The following ALK variants were observed in gnomAD, a reference collection of about 807,000 sequenced individuals.
The protein encoded by ALK is ALK tyrosine kinase receptor.
In ALK, 74 loss-of-function variants were observed where a neutral mutation model predicts 163.1. The ratio of observed to expected loss-of-function variants is 0.45; its 90% CI spans 0.38 to 0.55. The LOEUF is 0.55. Among genes scored for constraint, ALK ranks in the 20% least tolerant of loss-of-function variants. The pLI is 0.00. For missense variants in ALK, 2,063 were observed against 2,105.3 expected, an observed-to-expected ratio of 0.98 and a Z score of 0.39; for synonymous variants, 960 against 843.2, an observed-to-expected ratio of 1.14 and a Z score of -2.40.
chr2:29,699,036 C>A (rs1233538722), intron 2 of ALK, among the ~76,000 whole-genome samples: 2 of 152,220 alleles, frequency 1.3e-5, no homozygotes, highest in Admixed American at 6.5e-5. Flanking sequence ...CCTTGGGCCT[C>A]TTCCGAGGTT....
intron 12 of ALK, among the ~76,000 whole-genome samples, chr2:29,248,912 G>A (rs953701413): frequency 1.2e-4 from 18 of 152,258 alleles, no homozygotes; most frequent in Admixed American, 2.6e-4. Flanking sequence ...AAACTACCGC[G>A]TATGGGGTCG....
intron 1 of ALK, among the ~76,000 whole-genome samples, chr2:29,831,433 TTC>T (rs1285542583): frequency 2.6e-5 from 4 of 151,956 alleles, no homozygotes; most frequent in African/African-American, 9.7e-5. Flanking sequence ...GCTTTAGAGC[TTC>T]TCTCTTTATG....
intron 1 of ALK, among the ~76,000 whole-genome samples, chr2:29,839,141 T>C (rs116226196): frequency 6.6e-6 from 1 of 152,128 alleles, no homozygotes; most frequent in Non-Finnish European, 1.5e-5. Flanking sequence ...TTGGTCCCAT[T>C]GAAAACCATT....
At chr2:29,887,979 G>A (rs1029293906) in intron 1 of ALK, among the ~76,000 whole-genome samples, 1 of 152,172 alleles carries the variant, frequency 6.6e-6, no homozygotes, top group Non-Finnish European at 1.5e-5. Flanking sequence ...TGTCAGGTCA[G>A]GTAATCATAA....
At chr2:29,529,052 G>C (rs2148155792) in intron 4 of ALK, among the ~76,000 whole-genome samples, 1 of 152,302 alleles carries the variant, frequency 6.6e-6, no homozygotes, top group South Asian at 2.1e-4. Context: ...CAACCAGGAA[G>C]GCAGCAGCTG....
At chr2:29,296,549 T>C (rs1478935295) in intron 9 of ALK, among the ~76,000 whole-genome samples, 1 of 152,248 alleles carries the variant, frequency 6.6e-6, no homozygotes, top group Non-Finnish European at 1.5e-5. Context: ...ACATGCTATA[T>C]ACATGTAAAA....
chr2:29,343,233 G>A (rs1667851697), intron 5 of ALK, among the ~76,000 whole-genome samples: 1 of 144,750 alleles, frequency 6.9e-6, no homozygotes, highest in South Asian at 2.2e-4. Context: ...TTTTGAGACA[G>A]GGTCTCATTC....
At chr2:29,272,185 G>GGAGAGAGAGAGA (rs57649688) in intron 11 of ALK, among the ~76,000 whole-genome samples, 5 of 145,234 alleles carry the variant, frequency 3.4e-5, no homozygotes, top group African/African-American at 1.3e-4. Context: ...GTCGGGTGAG[G>GGAGAGAGAGAGA]GAGAGAGAGA....
chr2:29,377,500 C>G (rs1668785621), intron 5 of ALK, among the ~76,000 whole-genome samples: 1 of 146,712 alleles, frequency 6.8e-6, no homozygotes, highest in South Asian at 2.2e-4. Flanking sequence ...AAAGAGAGAG[C>G]TTAGAATCAG....
intron 1 of ALK, among the ~76,000 whole-genome samples, chr2:29,769,768 A>G (rs868176999): frequency 1.2e-4 from 18 of 152,240 alleles, no homozygotes; most frequent in Admixed American, 2.6e-4. Flanking sequence ...GAAAGGGGGC[A>G]TTAATGTGCA....
chr2:29,562,651 C>T (rs968455417), intron 3 of ALK, among the ~76,000 whole-genome samples: 1 of 152,182 alleles, frequency 6.6e-6, no homozygotes, highest in Non-Finnish European at 1.5e-5. Flanking sequence ...AAATCTGAAA[C>T]TTCTCATCCA....
chr2:29,362,807 C>T (rs1361852562), intron 5 of ALK, among the ~76,000 whole-genome samples: 1 of 152,154 alleles, frequency 6.6e-6, no homozygotes, highest in Non-Finnish European at 1.5e-5. Context: ...TAGTTTGATG[C>T]CAGCAAATAG....
chr2:29,879,538 C>T (rs72794317), intron 1 of ALK, among the ~76,000 whole-genome samples: 9,659 of 152,252 alleles, frequency 0.063, 443 homozygotes, highest in East Asian at 0.14. Flanking sequence ...TCAGACACCT[C>T]CCAAACAAAT....
At chr2:29,808,079 TA>T (rs771665127) in intron 1 of ALK, among the ~76,000 whole-genome samples, 8 of 152,330 alleles carry the variant, frequency 5.3e-5, no homozygotes, top group South Asian at 2.1e-4. Context: ...TCTCTTTTTT[TA>T]ATGTATTTTC....
intron 12 of ALK, among the ~76,000 whole-genome samples, 174 bp downstream of exon 12, chr2:29,250,931 T>C (rs1465788848): frequency 6.6e-6 from 1 of 152,138 alleles, no homozygotes; most frequent in Non-Finnish European, 1.5e-5. Context: ...TGTTGCCATA[T>C]TTCACTCTCC....
intron 4 of ALK, among the ~76,000 whole-genome samples, chr2:29,508,243 C>T (rs868297910): frequency 2.6e-5 from 4 of 152,302 alleles, no homozygotes; most frequent in Middle Eastern, 6.8e-3. Context: ...TGCATGTGGA[C>T]ACCCAACGCA....
chr2:29,727,736 G>A (rs1679613332), intron 1 of ALK, among the ~76,000 whole-genome samples: 1 of 152,136 alleles, frequency 6.6e-6, no homozygotes, highest in Non-Finnish European at 1.5e-5. Context: ...AAAATAGATA[G>A]GCCAACAGCC....
intron 4 of ALK, among the ~76,000 whole-genome samples, chr2:29,513,301 A>T (rs1453140305): frequency 7.2e-6 from 1 of 138,986 alleles, no homozygotes; most frequent in Non-Finnish European, 1.6e-5. Context: ...CAAAACAGAG[A>T]TATAGATCAA....
intron 4 of ALK, among the ~76,000 whole-genome samples, chr2:29,528,543 C>T (rs1673023368): frequency 1.3e-5 from 2 of 152,124 alleles, no homozygotes; most frequent in African/African-American, 4.8e-5. Context: ...CTGCTTGTGT[C>T]TTCCTTACTG....
Sources: gnomAD v4.1 joint callset for allele counts (sites outside exome capture counted in the v4.1 genomes callset) on GRCh38, gnomAD v4.1.1 for gene constraint, MANE v1.5 for transcripts, NCBI Gene and HGNC (gene_info 2026-07-23, HGNC 2026-07-21) for gene names.